Variants in KCNJ6 observed in about 807,000 individuals in gnomAD.
KCNJ6 encodes potassium inwardly rectifying channel subfamily J member 6, also known as G protein-activated inward rectifier potassium channel 2.
A neutral mutation model predicts 34.2 loss-of-function variants in KCNJ6; 9 were observed. The observed-to-expected ratio is 0.26, with a 90% confidence interval of 0.16 to 0.46. KCNJ6 has a LOEUF of 0.46. Among genes scored for constraint, KCNJ6 ranks in the 20% least tolerant of loss-of-function variants. The probability of loss-of-function intolerance (pLI) is 1.00; values close to 1 mark genes in which losing one functional copy is unlikely to be tolerated. For missense variants in KCNJ6, 236 were observed against 531.3 expected (o/e 0.44, Z 5.46); for synonymous variants, 196 against 207.1 (o/e 0.95, Z 0.46).
In KCNJ6 at chr21:37,860,175, C is replaced by CT. The variant is rs147275339; in HGVS notation, c.-27-19467dup. Among the ~76,000 whole-genome samples, 1,482 of 152,264 alleles carry CT rather than the reference C, an allele frequency of 9.7e-3. 8 individuals are homozygous for CT. Among genetic ancestry groups the CT allele is most frequent in the Non-Finnish European group, 0.015 (1,037 of 68,022 alleles). On this transcript the variant is annotated intron_variant, in intron 1 of 3. Transcript: ENST00000609713. ...CTGCTGCTCGGTCCTACACTGATTCCTTTTTCTCCTGAATCCTATTTTACA... is the reference window on the plus strand; with the variant it reads ...CTGCTGCTCGGTCCTACACTGATTCCTTTTTTCTCCTGAATCCTATTTTACA...
chr21:37,896,328 CAG>C (rs1173622481), intron 1 of KCNJ6, among the ~76,000 whole-genome samples: 2 of 152,200 alleles, frequency 1.3e-5, no homozygotes, highest in Non-Finnish European at 2.9e-5. Flanking sequence ...TGGGCAGGGA[CAG>C]AGACCTAAAC....
chr21:37,746,038 C>A (rs571319780), intron 2 of KCNJ6, among the ~76,000 whole-genome samples: 55 of 152,310 alleles, frequency 3.6e-4, no homozygotes, highest in African/African-American at 1.3e-3. Context: ...TATTCACGCC[C>A]ACATGGCAGA....
chr21:37,686,803 A>G (rs1168150856), intron 3 of KCNJ6, among the ~76,000 whole-genome samples: 2 of 151,964 alleles, frequency 1.3e-5, no homozygotes, highest in Non-Finnish European at 2.9e-5. Flanking sequence ...GGGTGGAGAC[A>G]GGGACCTGTG....
intron 3 of KCNJ6, among the ~76,000 whole-genome samples, chr21:37,667,625 C>A (rs981691938): frequency 1.3e-5 from 1 of 78,220 alleles, no homozygotes; most frequent in Non-Finnish European, 3.5e-5. Flanking sequence ...GGGTAGCAGG[C>A]ACCGGGGTAG....
chr21:37,868,534 C>G (rs2055634282), intron 1 of KCNJ6, among the ~76,000 whole-genome samples: 1 of 152,056 alleles, frequency 6.6e-6, no homozygotes, highest in Non-Finnish European at 1.5e-5. Context: ...AAGCTGAGTT[C>G]CAGACAAGGG....
At chr21:37,629,066 C>T (rs945815341) in intron 3 of KCNJ6, among the ~76,000 whole-genome samples, 5 of 152,056 alleles carry the variant, frequency 3.3e-5, no homozygotes, top group Non-Finnish European at 7.4e-5. Context: ...AATAAAAAGA[C>T]ACTAGATAGT....
intron 1 of KCNJ6, among the ~76,000 whole-genome samples, chr21:37,900,375 T>G (rs1240448374): frequency 6.6e-6 from 1 of 152,222 alleles, no homozygotes; most frequent in East Asian, 1.9e-4. Flanking sequence ...ATAGTCTATG[T>G]TTCGTTGACC....
intron 1 of KCNJ6, among the ~76,000 whole-genome samples, chr21:37,850,711 G>A (rs898246672): frequency 6.6e-6 from 1 of 152,184 alleles, no homozygotes; most frequent in Non-Finnish European, 1.5e-5. Context: ...CCAGTGGTGA[G>A]TTTGGTATGG....
rs527570736 is a variant in KCNJ6 at position 37,670,130 on chromosome 21, C to A, written c.946+44081G>T. Reference sequence around the variant, plus strand: ...ATTTGTTGAAAAGAGGATTCTTTCCCATTAAATGATCTTAGTGTCCTCATG... The same window carrying A: ...ATTTGTTGAAAAGAGGATTCTTTCCAATTAAATGATCTTAGTGTCCTCATG... On this transcript the variant is annotated intron_variant, in intron 3 of 3. Transcript: ENST00000609713. Among the ~76,000 whole-genome samples the A allele has an allele frequency of 6.2e-4, 95 of 152,280 alleles. 1 individual carries two copies. Among genetic ancestry groups the A allele is most frequent in the African/African-American group, 2.0e-3 (84 of 41,544 alleles).
rs2054264286 is a variant in KCNJ6, at chr21:37,615,660, T to C, written c.*9499A>G. 1 of 151,720 alleles carries C rather than the reference T, an allele frequency of 6.6e-6. No homozygotes were observed. Among genetic ancestry groups the C allele is most frequent in the African/African-American group, 2.4e-5 (1 of 41,234 alleles). The allele number at this position is 151,720 out of a possible 1,614,324, so 9.4% of individuals were successfully genotyped here. Reference sequence around the variant, plus strand: ...ACTTTGCTCTGGGGGCAAAAATGAGTATTTCTGATTTGAAATCAGGTTTTC... The same window carrying C: ...ACTTTGCTCTGGGGGCAAAAATGAGCATTTCTGATTTGAAATCAGGTTTTC... On this transcript the variant is annotated 3_prime_UTR_variant, in exon 4 of 4. Coordinates refer to ENST00000609713, the MANE Select transcript of KCNJ6 (RefSeq NM_002240.5).
At chr21:37,646,439 A>C (rs933508581) in intron 3 of KCNJ6, among the ~76,000 whole-genome samples, 1 of 152,152 alleles carries the variant, frequency 6.6e-6, no homozygotes, top group African/African-American at 2.4e-5. Context: ...CTTGTAGCTT[A>C]ATCATTTATT....
In KCNJ6 at chr21:37,715,028, G is replaced by A. The variant is rs760337443; in HGVS notation, c.129C>T (p.His43=). 9.9e-6 allele frequency: 16 copies of A among 1,614,090 alleles called. No individual in the cohort carries two copies. Among genetic ancestry groups the A allele is most frequent in the African/African-American group, 5.3e-5 (4 of 74,946 alleles). ...PKQARDDLPR[H]ISRDRTKRKI... is the part of the protein sequence containing the mutation. ...TCCTTTTGGTCCGATCTCGGCTGAT[G>A]TGTCTTGGCAGGTCATCCCTGGCCT... The change falls in exon 3 of 4, where the codon CAC becomes CAT. Residue 43 remains histidine (H), a synonymous_variant. Coordinates refer to ENST00000609713, the MANE Select transcript of KCNJ6 (RefSeq NM_002240.5).
At position 37,621,157 on chromosome 21, in the gene KCNJ6, T is replaced by A. The variant is rs1002640550; in HGVS notation, c.*4002A>T. On this transcript the variant is annotated 3_prime_UTR_variant, in exon 4 of 4. Coordinates refer to ENST00000609713, the MANE Select transcript of KCNJ6 (RefSeq NM_002240.5). ...TTACAATATATAGAGGACACTGAACTTTCAACTACCTTCCTGACATTTTTA... is the reference window on the plus strand; with the variant it reads ...TTACAATATATAGAGGACACTGAACATTCAACTACCTTCCTGACATTTTTA... 2.6e-5 allele frequency: 4 copies of A among 152,204 alleles called. No homozygotes were observed. The highest frequency in any genetic ancestry group is 1.3e-4 in the Admixed American group (2 of 15,252). The allele number at this position is 152,204 out of a possible 1,614,324, so 9.4% of individuals were successfully genotyped here. A position where few individuals can be genotyped will look rare whatever the true frequency, so the allele number is the denominator to read the frequency against.
Position 37,827,866 on chromosome 21 carries a change from T to A in KCNJ6, c.25+12792A>T, listed in dbSNP as rs2123561339. Reference sequence around the variant, plus strand: ...GTATAAATATACATATTAGCACACATGTGCACATACCCATTAGCTTTGTGT... The same window carrying A: ...GTATAAATATACATATTAGCACACAAGTGCACATACCCATTAGCTTTGTGT... On this transcript the variant is annotated intron_variant, in intron 2 of 3. Coordinates refer to ENST00000609713, the MANE Select transcript of KCNJ6 (RefSeq NM_002240.5). Among the ~76,000 whole-genome samples the A allele has an allele frequency of 1.3e-5, 2 of 152,264 alleles. 1 individual carries two copies. Among genetic ancestry groups the A allele is most frequent in the South Asian group, 4.1e-4 (2 of 4,830 alleles).
At chr21:37,753,255 G>A (rs543321510) in intron 2 of KCNJ6, among the ~76,000 whole-genome samples, 2 of 152,286 alleles carry the variant, frequency 1.3e-5, no homozygotes, top group African/African-American at 2.4e-5. Context: ...CAAACAACCC[G>A]AGTGAGTGGA....
At chr21:37,854,839 A>C (rs1230226232) in intron 1 of KCNJ6, among the ~76,000 whole-genome samples, 1 of 152,230 alleles carries the variant, frequency 6.6e-6, no homozygotes, top group East Asian at 1.9e-4. Flanking sequence ...TGTATGCAAC[A>C]AACAACAGAG....
Position 37,849,963 on chromosome 21 carries a change from T to C in KCNJ6, c.-27-9254A>G, listed in dbSNP as rs80051072. On this transcript the variant is annotated intron_variant, in intron 1 of 3. Transcript: ENST00000609713. ...AATCACAACCAAAGAATGCATAGAATGAATGGAATGTCCCTGAACAGCTGT... is the reference window on the plus strand; with the variant it reads ...AATCACAACCAAAGAATGCATAGAACGAATGGAATGTCCCTGAACAGCTGT... Among the ~76,000 whole-genome samples, 50 of 152,282 alleles carry C rather than the reference T, an allele frequency of 3.3e-4. 1 individual carries two copies. In the East Asian group the frequency reaches 9.1e-3, roughly 28 times the overall value.
At chr21:37,715,275 C>T (rs1451550451) in intron 2 of KCNJ6, 144 bp from the exon 3 acceptor site, 3 of 702,834 alleles carry the variant, frequency 4.3e-6, no homozygotes, top group Non-Finnish European at 7.0e-6. Context: ...ATTTTTATTC[C>T]ACACCATCTG....
chr21:37,671,021 A>G (rs920571008), intron 3 of KCNJ6, among the ~76,000 whole-genome samples: 48 of 152,286 alleles, frequency 3.2e-4, no homozygotes, highest in Middle Eastern at 3.4e-3. Context: ...TGTGAAATAT[A>G]TATTTGGCCT....
Sources: allele counts gnomAD v4.1 joint callset (sites outside exome capture counted in the v4.1 genomes callset), GRCh38; gene constraint gnomAD v4.1.1; transcripts MANE v1.5; gene names NCBI Gene and HGNC (gene_info 2026-07-23, HGNC 2026-07-21).